The following TYR variants were observed in gnomAD, a reference collection of about 807,000 sequenced individuals.
TYR encodes the protein tyrosinase.
TYR carries 58 observed loss-of-function variants against 51.5 expected under a neutral mutation model. The observed-to-expected ratio is 1.13, with a 90% CI of 0.91 to 1.40. TYR has a LOEUF of 1.40. Ranked by LOEUF, TYR falls within the 40% of genes most tolerant of loss-of-function variation. The pLI, the probability that TYR is intolerant of heterozygous loss-of-function variation, is 0.00. For synonymous variants in TYR, 263 were observed against 235.2 expected, an observed-to-expected ratio of 1.12 and a Z score of -1.08; for missense variants, 732 against 647.4, an observed-to-expected ratio of 1.13 and a Z score of -1.42.
At chr11:89,237,083 C>T (rs996259977) in intron 3 of TYR, among the ~76,000 whole-genome samples, 9 of 152,162 alleles carry the variant, frequency 5.9e-5, no homozygotes, top group African/African-American at 2.2e-4. Context: ...CACACCACTG[C>T]TCTAATCTAT....
intron 1 of TYR, among the ~76,000 whole-genome samples, chr11:89,180,068 A>T (rs1478451560): frequency 6.6e-6 from 1 of 152,188 alleles, no homozygotes; most frequent in South Asian, 2.1e-4. Flanking sequence ...AAGTTCATTT[A>T]AAAAATAGCC....
chr11:89,200,222 T>A (rs1235298468), intron 2 of TYR: 1 of 152,148 alleles, frequency 6.6e-6, no homozygotes, highest in Admixed American at 6.6e-5. Flanking sequence ...ACTATAGGTG[T>A]GTGCCACCAT....
chr11:89,263,416 GA>G (rs572569511), intron 3 of TYR, among the ~76,000 whole-genome samples: 19 of 145,822 alleles, frequency 1.3e-4, no homozygotes, highest in South Asian at 4.3e-4. Flanking sequence ...ATTAAAAACT[GA>G]AAAAAAAAAC....
chr11:89,199,448 A>G (rs1943568650), intron 2 of TYR, among the ~76,000 whole-genome samples: 1 of 152,184 alleles, frequency 6.6e-6, no homozygotes, highest in African/African-American at 2.4e-5. Flanking sequence ...GTATTATCTT[A>G]TGGCAAGTAC....
chr11:89,294,236 T>C (rs1768791824), intron 4 of TYR: 1 of 152,642 alleles, frequency 6.6e-6, no homozygotes, highest in Non-Finnish European at 1.5e-5. Flanking sequence ...ACCCTTTTCA[T>C]TCTGTTTTCT....
At chr11:89,196,874 T>C (rs1943526225) in intron 2 of TYR, among the ~76,000 whole-genome samples, 1 of 152,148 alleles carries the variant, frequency 6.6e-6, no homozygotes, top group Non-Finnish European at 1.5e-5. Context: ...AATAGAGCCA[T>C]CCATGAACCT....
chr11:89,210,950 C>T (rs1223795120), intron 2 of TYR, among the ~76,000 whole-genome samples: 3 of 152,170 alleles, frequency 2.0e-5, no homozygotes, highest in Admixed American at 2.0e-4. Context: ...CTTACAAGAA[C>T]TCCTGAAGGA....
At chr11:89,185,460 A>G (rs866323163) in intron 1 of TYR, among the ~76,000 whole-genome samples, 14 of 152,192 alleles carry the variant, frequency 9.2e-5, no homozygotes, top group African/African-American at 3.4e-4. Flanking sequence ...TTCTTACTGC[A>G]CATCAACAGG....
chr11:89,262,900 C>T (rs1438103564), intron 3 of TYR, among the ~76,000 whole-genome samples: 4 of 126,156 alleles, frequency 3.2e-5, no homozygotes, highest in African/African-American at 1.3e-4. Flanking sequence ...AAGAAAATCT[C>T]AGGACAAGAT....
At chr11:89,180,769 T>A (rs949183737) in intron 1 of TYR, among the ~76,000 whole-genome samples, 8 of 152,144 alleles carry the variant, frequency 5.3e-5, no homozygotes, top group African/African-American at 1.9e-4. Flanking sequence ...TATGTTTTAG[T>A]AGTGTCAAGG....
intron 3 of TYR, among the ~76,000 whole-genome samples, chr11:89,273,401 G>A (rs927679680): frequency 1.3e-5 from 2 of 151,852 alleles, no homozygotes; most frequent in African/African-American, 4.8e-5. Flanking sequence ...AGGATGGCTG[G>A]CAGGTGGAGC....
At chr11:89,207,186 C>A (rs1160189118) in intron 2 of TYR, among the ~76,000 whole-genome samples, 1 of 151,944 alleles carries the variant, frequency 6.6e-6, no homozygotes, top group African/African-American at 2.4e-5. Flanking sequence ...TAACAAGCAG[C>A]TGGTTTTTGG....
Position 89,178,696 on chromosome 11 carries a change from C to T in TYR, c.743C>T (p.Thr248Ile). Reference sequence around the variant, plus strand: ...GATGCAGAAAAGTGTGACATTTGCACAGATGAGTACATGGGAGGTCAGCAC... The same window carrying T: ...GATGCAGAAAAGTGTGACATTTGCATAGATGAGTACATGGGAGGTCAGCAC... ...WRDAEKCDICTDEYMGGQHPT... is the reference protein window; with the variant it reads ...WRDAEKCDICIDEYMGGQHPT... Residue 248 changes from threonine (T) to isoleucine (I), a missense_variant, in exon 1 of 5, where the codon ACA becomes ATA. Transcript: ENST00000263321. 1 of 1,614,038 alleles carries T rather than the reference C, an allele frequency of 6.2e-7. No individual in the cohort carries two copies. The highest frequency in any genetic ancestry group is 8.5e-7 in the Non-Finnish European group (1 of 1,179,968).
chr11:89,278,453 GAATA>G (rs970959924), intron 3 of TYR, among the ~76,000 whole-genome samples: 15 of 151,556 alleles, frequency 9.9e-5, no homozygotes, highest in African/African-American at 9.7e-5. Flanking sequence ...ATATATGAAT[GAATA>G]AATAAATAAA....
At chr11:89,281,616 C>T (rs1272314863) in intron 3 of TYR, among the ~76,000 whole-genome samples, 1 of 151,774 alleles carries the variant, frequency 6.6e-6, no homozygotes, top group African/African-American at 2.4e-5. Context: ...TCTGGATGAA[C>T]CCATCTCTCC....
At chr11:89,216,497 C>CA (rs1477918310) in intron 2 of TYR, among the ~76,000 whole-genome samples, 1 of 151,504 alleles carries the variant, frequency 6.6e-6, no homozygotes, top group Non-Finnish European at 1.5e-5. Flanking sequence ...ACTAAAAATA[C>CA]AAAAAATTAG....
At chr11:89,244,039 G>T (rs1205505836) in intron 3 of TYR, among the ~76,000 whole-genome samples, 1 of 151,902 alleles carries the variant, frequency 6.6e-6, no homozygotes, top group Non-Finnish European at 1.5e-5. Context: ...TATTTCCTTT[G>T]TGTTTTACAA....
intron 2 of TYR, among the ~76,000 whole-genome samples, chr11:89,202,044 G>T (rs372564931): frequency 2.0e-5 from 3 of 151,958 alleles, no homozygotes; most frequent in East Asian, 1.9e-4. Flanking sequence ...GGAAGTGGGG[G>T]TGTTTATGAC....
chr11:89,209,494 G>A (rs1943721676), intron 2 of TYR, among the ~76,000 whole-genome samples: 1 of 152,178 alleles, frequency 6.6e-6, no homozygotes, highest in African/African-American at 2.4e-5. Context: ...GCTCAGCAAG[G>A]CCTACTGCCT....
Sources: allele counts gnomAD v4.1 joint callset (sites outside exome capture counted in the v4.1 genomes callset), GRCh38; gene constraint gnomAD v4.1.1; transcripts MANE v1.5; gene names NCBI Gene and HGNC (gene_info 2026-07-23, HGNC 2026-07-21).